The following MON2 variants were observed in gnomAD, a reference collection of about 807,000 sequenced individuals.
MON2 encodes the protein MON2 regulator of endosome-to-Golgi trafficking.
A neutral mutation model predicts 208.6 loss-of-function variants in MON2; 84 were observed. The observed-to-expected ratio is 0.40, with a 90% CI of 0.34 to 0.48. The LOEUF (loss-of-function observed/expected upper bound fraction) is 0.48. Among genes scored for constraint, MON2 ranks in the 20% least tolerant of loss-of-function variants. MON2 has a pLI of 0.59. For synonymous variants in MON2, 660 were observed against 694.0 expected (o/e 0.95, Z 0.77); for missense variants, 1,611 against 2,015.4 (o/e 0.80, Z 3.84).
At chr12:62,489,567 C>A (rs558299072) in intron 2 of MON2, among the ~76,000 whole-genome samples, 1 of 152,052 alleles carries the variant, frequency 6.6e-6, no homozygotes, top group African/African-American at 2.4e-5. Flanking sequence ...TAGCTCTGCA[C>A]TTAGGATGAC....
chr12:62,512,969 T>C (rs1278461624), intron 8 of MON2, among the ~76,000 whole-genome samples: 2 of 152,158 alleles, frequency 1.3e-5, no homozygotes, highest in Admixed American at 6.5e-5. Flanking sequence ...CCGAGCTCTA[T>C]GTTGACCCCT....
chr12:62,516,211 C>G (rs1032217939), intron 8 of MON2, among the ~76,000 whole-genome samples: 22 of 152,002 alleles, frequency 1.4e-4, no homozygotes, highest in Admixed American at 1.0e-3. Flanking sequence ...TTTGTAAGAG[C>G]TAAAAGTTAA....
At chr12:62,479,431 TCCC>T (rs71083999) in intron 1 of MON2, among the ~76,000 whole-genome samples, 24,538 of 117,040 alleles carry the variant, frequency 0.21, 2,889 homozygotes, top group Middle Eastern at 0.36. Flanking sequence ...TGTGTGTATA[TCCC>T]CCCCCCCCCC....
At chr12:62,492,991 A>G (rs2070253516) in intron 2 of MON2, among the ~76,000 whole-genome samples, 1 of 151,442 alleles carries the variant, frequency 6.6e-6, no homozygotes, top group South Asian at 2.1e-4. Flanking sequence ...AAAACAAAAC[A>G]AAAAAAACCA....
intron 8 of MON2, among the ~76,000 whole-genome samples, chr12:62,524,069 A>G (rs1158872468): frequency 6.6e-6 from 1 of 152,088 alleles, no homozygotes; most frequent in African/African-American, 2.4e-5. Flanking sequence ...TTTTTCTACT[A>G]TAAAATTTAT....
rs567494154 is a variant in MON2, at chr12:62,534,237, A to AG, written c.1634-608_1634-607insG. On this transcript the variant is annotated intron_variant, in intron 12 of 34. Transcript: ENST00000393630. Reference sequence around the variant, plus strand: ...AAGACCCTGTCTCTTAAAAAAAAAAATGGCTGGGCGTGGTGGCTCACGCCT... The same window carrying AG: ...AAGACCCTGTCTCTTAAAAAAAAAAAGTGGCTGGGCGTGGTGGCTCACGCCT... 2.0e-5 allele frequency among the ~76,000 whole-genome samples: 3 copies of AG among 150,560 alleles called. No homozygotes were observed. In the South Asian group the frequency reaches 6.3e-4, roughly 32 times the overall value.
At chr12:62,510,905 C>G (rs937799162) in intron 8 of MON2, among the ~76,000 whole-genome samples, 1 of 152,118 alleles carries the variant, frequency 6.6e-6, no homozygotes, top group African/African-American at 2.4e-5. Context: ...TATTCCACAC[C>G]AGAAAAACTG....
At chr12:62,564,272 G>A (rs2074294907) in intron 26 of MON2, among the ~76,000 whole-genome samples, 1 of 151,954 alleles carries the variant, frequency 6.6e-6, no homozygotes, top group Non-Finnish European at 1.5e-5. Context: ...AATAAATTTT[G>A]TACATACTGT....
chr12:62,549,882 C>A, intron 23 of MON2, 52 bp downstream of exon 23: 1 of 1,233,476 alleles, frequency 8.1e-7, no homozygotes, highest in Non-Finnish European at 1.1e-6. Context: ...CATTGTTATT[C>A]AGTTGGGAGT....
intron 30 of MON2, among the ~76,000 whole-genome samples, chr12:62,577,348 T>C (rs2136438647): frequency 6.6e-6 from 1 of 152,190 alleles, no homozygotes; most frequent in South Asian, 2.1e-4. Context: ...CACAGCTAGA[T>C]CTTGAACACC....
rs529099530 is a variant in MON2 at position 62,569,434 on chromosome 12, A to T, written c.4324-1958A>T. On this transcript the variant is annotated intron_variant, in intron 29 of 34. Transcript: ENST00000393630. The stretch of plus-strand genomic sequence containing the variant: ...GCTGATCCAGTGGTTCAGCAGTATC[A>T]TCAAAAACCACATTTCTTTCTCCAG... Among the ~76,000 whole-genome samples the T allele has an allele frequency of 3.3e-5, 5 of 152,312 alleles. No homozygotes were observed. The South Asian group carries it at 1.0e-3, about 32-fold the overall frequency.
chr12:62,570,421 A>G (rs1057426124), intron 29 of MON2, among the ~76,000 whole-genome samples: 3 of 152,204 alleles, frequency 2.0e-5, no homozygotes, highest in Admixed American at 1.3e-4. Context: ...ACTTCAAAGT[A>G]TTGACATTTT....
intron 8 of MON2, among the ~76,000 whole-genome samples, chr12:62,513,066 C>T (rs766848886): frequency 6.6e-6 from 1 of 152,160 alleles, no homozygotes; most frequent in Non-Finnish European, 1.5e-5. Flanking sequence ...ACGTTTTCCT[C>T]ATAGGCCTCT....
chr12:62,524,669 G>T, intron 9 of MON2, 30 bp downstream of exon 9: 1 of 1,604,232 alleles, frequency 6.2e-7, no homozygotes, highest in South Asian at 1.1e-5. Context: ...TTGTTAAATA[G>T]ATAGGTTAAT....
intron 14 of MON2, 141 bp from the exon 15 acceptor site, chr12:62,537,010 T>A (rs1449164478): frequency 1.3e-5 from 6 of 453,052 alleles, no homozygotes; most frequent in Non-Finnish European, 2.3e-5. Flanking sequence ...TTTTTAAATG[T>A]TTTGATACAG....
chr12:62,481,280 A>G (rs550329568), intron 1 of MON2, among the ~76,000 whole-genome samples: 2 of 152,308 alleles, frequency 1.3e-5, no homozygotes, highest in African/African-American at 4.8e-5. Flanking sequence ...TAATCCCAGC[A>G]CTTTGGGAGG....
intron 30 of MON2, among the ~76,000 whole-genome samples, chr12:62,577,679 A>G (rs1037653368): frequency 3.9e-5 from 6 of 152,208 alleles, no homozygotes; most frequent in Admixed American, 1.3e-4. Context: ...TCTTGATTAT[A>G]TAATAATTAC....
At chr12:62,514,169 T>C (rs2071565534) in intron 8 of MON2, among the ~76,000 whole-genome samples, 1 of 152,212 alleles carries the variant, frequency 6.6e-6, no homozygotes, top group African/African-American at 2.4e-5. Flanking sequence ...CATGTCCTTA[T>C]CAGCATTTTG....
intron 30 of MON2, among the ~76,000 whole-genome samples, chr12:62,576,446 TA>T (rs2074789074): frequency 6.6e-6 from 1 of 152,104 alleles, no homozygotes; most frequent in African/African-American, 2.4e-5. Flanking sequence ...TTGTATATTT[TA>T]AAAGGGTGAA....
Sources: gnomAD v4.1 joint callset for allele counts (sites outside exome capture counted in the v4.1 genomes callset) on GRCh38, gnomAD v4.1.1 for gene constraint, MANE v1.5 for transcripts, NCBI Gene and HGNC (gene_info 2026-07-23, HGNC 2026-07-21) for gene names.